Variants in MYO1A observed in about 807,000 individuals in gnomAD.
MYO1A encodes the protein unconventional myosin-Ia.
In MYO1A, 127 loss-of-function variants were observed where a neutral mutation model predicts 138.5. The observed-to-expected ratio is 0.92, with a 90% CI of 0.79 to 1.06. The LOEUF (loss-of-function observed/expected upper bound fraction) is 1.06. Ranked by LOEUF, MYO1A falls within the 50% of genes least tolerant of loss-of-function variation. The pLI is 0.00. For missense variants in MYO1A, 1,211 were observed against 1,288.8 expected, an observed-to-expected ratio of 0.94 and a Z score of 0.92; for synonymous variants, 477 against 497.5, an observed-to-expected ratio of 0.96 and a Z score of 0.55.
chr12:57,046,122 C>T (rs1376291121), intron 8 of MYO1A, among the ~76,000 whole-genome samples: 1 of 152,196 alleles, frequency 6.6e-6, no homozygotes, highest in African/African-American at 2.4e-5. Flanking sequence ...AGACCCAGGA[C>T]AGCTTCAACT....
chr12:57,046,742 T>C, intron 7 of MYO1A, 92 bp from the exon 8 acceptor site: 1 of 1,495,254 alleles, frequency 6.7e-7, no homozygotes, highest in Non-Finnish European at 9.3e-7. Context: ...TCGCCGGCAT[T>C]CCTAGTGGTT....
intron 18 of MYO1A, 96 bp downstream of exon 18, chr12:57,037,773 C>T (rs1357035038): frequency 1.3e-6 from 2 of 1,506,328 alleles, no homozygotes; most frequent in African/African-American, 2.8e-5. Flanking sequence ...ATTCACCCAG[C>T]TTCAGCAGAT....
At chr12:57,039,703 T>C (rs2030771160) in intron 14 of MYO1A, among the ~76,000 whole-genome samples, 1 of 152,032 alleles carries the variant, frequency 6.6e-6, no homozygotes, top group African/African-American at 2.4e-5. Context: ...GCTAATTTGA[T>C]ACATCTTCAA....
chr12:57,030,353 G>GT, intron 23 of MYO1A, 37 bp from the exon 24 acceptor site: 1 of 1,503,614 alleles, frequency 6.7e-7, no homozygotes, highest in Non-Finnish European at 9.3e-7. Context: ...AAATCATAGA[G>GT]TGGGAGGGCA....
Position 57,037,895 on chromosome 12 carries a change from G to A in MYO1A, c.1935C>T (p.Thr645=). Residue 645 remains threonine, a synonymous_variant, in exon 18 of 28, where the codon ACC becomes ACT. Transcript: ENST00000300119. ...GGTCTCCCCCATTCCAGTGAGGCCA[G>A]GTGCTCCGGCTCAGCAATCGGTACC... ...LERYRLLSRS[T]WPHWNGGDRE... is the part of the protein sequence containing the mutation. 2 of 1,614,200 alleles carry A rather than the reference G, an allele frequency of 1.2e-6. No homozygotes were observed. Among genetic ancestry groups the A allele is most frequent in the South Asian group, 2.2e-5 (2 of 91,086 alleles).
At position 57,028,824 on chromosome 12, in the gene MYO1A, T is replaced by C; in HGVS notation, c.3063A>G (p.Ala1021=). Residue 1021 remains alanine (A), a synonymous_variant, in exon 28 of 28, where the codon GCA becomes GCG. Transcript: ENST00000300119. ...AGCGTAGCTTGCTGTTGTCACCACC[T>C]GCAGGGCCCTGGACGACCTTGACAG... is the stretch of plus-strand genomic sequence containing the variant. The part of the protein sequence containing the change: ...SVAVKVVQGP[A]GGDNSKLRYK... 1 of 1,614,078 alleles carries C rather than the reference T, an allele frequency of 6.2e-7. No homozygotes were observed.
chr12:57,043,280 G>A lies in MYO1A; in HGVS notation c.971C>T (p.Thr324Ile). 6.2e-7 allele frequency: 1 copy of A among 1,614,184 alleles called. No homozygotes were observed. Among genetic ancestry groups the A allele is most frequent in the Non-Finnish European group, 8.5e-7 (1 of 1,180,024 alleles). Residue 324 changes from threonine (T) to isoleucine (I), a missense_variant, in exon 11 of 28, where the codon ACA becomes ATA. Coordinates refer to ENST00000300119, the MANE Select transcript of MYO1A (RefSeq NM_005379.4). ...ERALCSRTME[T>I]AKEKVVTALN... ...TGCAGTGACCACCTTTTCCTTGGCT[G>A]TTTCCATGGTCCTCGAGCACAAAGC...
chr12:57,032,615 G>C (rs891385781), intron 22 of MYO1A, among the ~76,000 whole-genome samples: 75 of 152,234 alleles, frequency 4.9e-4, no homozygotes, highest in African/African-American at 1.8e-3. Flanking sequence ...CCCGGGAGGT[G>C]GAGGTTGCAG....
rs777698118 is a variant in MYO1A, at chr12:57,041,384, C to T, written c.1164+48G>A. The T allele has an allele frequency of 2.5e-6, 4 of 1,594,388 alleles. No homozygotes were observed. In the East Asian group the frequency reaches 8.9e-5, roughly 36 times the overall value. On this transcript the variant is annotated intron_variant, in intron 13 of 27. Transcript: ENST00000300119. ...CCTCACATCCCCCCTGTGAGCCTGT[C>T]CACCTCTAATCCTAGGGGAGCAGGG...
In MYO1A at chr12:57,037,537, C is replaced by T; in HGVS notation, c.2055+11G>A. 1 of 1,613,328 alleles carries T rather than the reference C, an allele frequency of 6.2e-7. No individual in the cohort carries two copies. The highest frequency in any genetic ancestry group is 8.5e-7 in the Non-Finnish European group (1 of 1,179,278). ...TACCCTCACCAAATGCTAATGCACT[C>T]TCTAACTCACAGTCTTGGGGCTTCT... On this transcript the variant is annotated intron_variant, in intron 19 of 27. Coordinates refer to ENST00000300119, the MANE Select transcript of MYO1A (RefSeq NM_005379.4).
chr12:57,039,397 TC>T (rs1336008710), intron 14 of MYO1A, 123 bp from the exon 15 acceptor site: 2 of 782,090 alleles, frequency 2.6e-6, no homozygotes, highest in African/African-American at 3.4e-5. Context: ...TTCACAGGGG[TC>T]CTTGGTATGA....
At chr12:57,042,996 C>A (rs2030924991) in intron 12 of MYO1A, 76 bp downstream of exon 12, 2 of 1,464,212 alleles carry the variant, frequency 1.4e-6, no homozygotes, top group Non-Finnish European at 1.9e-6. Context: ...TCTCAGAAAC[C>A]AAGATATAGG....
intron 23 of MYO1A, 142 bp downstream of exon 23, chr12:57,030,898 T>C (rs1156913854): frequency 1.9e-6 from 2 of 1,073,236 alleles, no homozygotes; most frequent in African/African-American, 3.2e-5. Context: ...TAAACACCGT[T>C]AAAATGGTAG....
In MYO1A at chr12:57,038,485, C is replaced by A. The variant is rs745827170; in HGVS notation, c.1687G>T (p.Ala563Ser). ...ACAGAACTCTTGAACTGGGCCCCAG[C>A]AGTCGGGGGGCGTTTGAGAGATGCC... Reference protein sequence around the residue: ...KQASLKRPPTAGAQFKSSVAI... With the variant: ...KQASLKRPPTSGAQFKSSVAI... Residue 563 changes from alanine to serine, a missense_variant, in exon 17 of 28, where the codon GCT becomes TCT. Coordinates refer to ENST00000300119, the MANE Select transcript of MYO1A (RefSeq NM_005379.4). 2 of 1,614,088 alleles carry A rather than the reference C, an allele frequency of 1.2e-6. No individual in the cohort carries two copies. Among genetic ancestry groups the A allele is most frequent in the Non-Finnish European group, 1.7e-6 (2 of 1,180,046 alleles).
chr12:57,046,698 G>C (rs142431065), intron 7 of MYO1A, 48 bp from the exon 8 acceptor site: 8 of 1,541,128 alleles, frequency 5.2e-6, no homozygotes, highest in Middle Eastern at 1.7e-4. Context: ...GGGAGATGCC[G>C]TAGCTTCTCC....
chr12:57,028,999 T>C, intron 27 of MYO1A, 118 bp from the exon 28 acceptor site: 1 of 1,591,918 alleles, frequency 6.3e-7, no homozygotes, highest in Non-Finnish European at 8.6e-7. Context: ...AGAACCTGGG[T>C]GGGGGCCTGA....
intron 22 of MYO1A, among the ~76,000 whole-genome samples, chr12:57,031,850 G>A (rs571977560): frequency 1.3e-5 from 2 of 152,320 alleles, no homozygotes; most frequent in African/African-American, 2.4e-5. Context: ...ATTTGCTCCA[G>A]CCTCTGTCCA....
At chr12:57,029,001 G>C in intron 27 of MYO1A, 120 bp from the exon 28 acceptor site, 5 of 1,593,442 alleles carry the variant, frequency 3.1e-6, no homozygotes, top group Non-Finnish European at 4.3e-6. Context: ...AACCTGGGTG[G>C]GGGCCTGAGA....
At chr12:57,037,711 A>G (rs1017419677) in intron 18 of MYO1A, 70 bp from the exon 19 acceptor site, 12 of 1,529,610 alleles carry the variant, frequency 7.8e-6, no homozygotes, top group Non-Finnish European at 1.1e-5. Flanking sequence ...CCTTTCCCCT[A>G]ATCCTTTCAG....
Sources: allele counts gnomAD v4.1 joint callset (sites outside exome capture counted in the v4.1 genomes callset), GRCh38; gene constraint gnomAD v4.1.1; transcripts MANE v1.5; gene names NCBI Gene and HGNC (gene_info 2026-07-23, HGNC 2026-07-21).